Variants in PTPRO observed in about 807,000 individuals in gnomAD.
PTPRO encodes the protein protein tyrosine phosphatase receptor type O.
PTPRO carries 62 observed loss-of-function variants against 145.2 expected under a neutral mutation model. The ratio of observed to expected loss-of-function variants is 0.43; its 90% CI spans 0.35 to 0.53. PTPRO has a LOEUF of 0.53. PTPRO is among the 20% of genes least tolerant of loss of function. The probability of loss-of-function intolerance (pLI) is 0.01; values close to 1 mark genes in which losing one functional copy is unlikely to be tolerated. For synonymous variants in PTPRO, 565 were observed against 514.7 expected, an observed-to-expected ratio of 1.10 and a Z score of -1.32; for missense variants, 1,345 against 1,482.7, an observed-to-expected ratio of 0.91 and a Z score of 1.53.
intron 1 of PTPRO, among the ~76,000 whole-genome samples, chr12:15,374,954 G>A (rs1196488810): frequency 6.6e-6 from 1 of 152,108 alleles, no homozygotes; most frequent in Admixed American, 6.5e-5. Context: ...GGAAGTGAAG[G>A]CAAAGGCAGA....
At chr12:15,479,046 C>T (rs536908041) in intron 1 of PTPRO, among the ~76,000 whole-genome samples, 3 of 152,144 alleles carry the variant, frequency 2.0e-5, no homozygotes, top group Admixed American at 6.5e-5. Context: ...ACTGAATGTG[C>T]GGAAAGACTC....
At chr12:15,394,983 A>G (rs1423324932) in intron 1 of PTPRO, among the ~76,000 whole-genome samples, 1 of 152,230 alleles carries the variant, frequency 6.6e-6, no homozygotes, top group African/African-American at 2.4e-5. Flanking sequence ...GGCGGCAAAG[A>G]AAAACACTCA....
chr12:15,503,275 C>A (rs111749315), intron 5 of PTPRO, among the ~76,000 whole-genome samples: 1 of 152,124 alleles, frequency 6.6e-6, no homozygotes, highest in African/African-American at 2.4e-5. Context: ...TAGTCACCAA[C>A]TGATGATAAT....
At chr12:15,544,933 T>A (rs73313505) in intron 12 of PTPRO, among the ~76,000 whole-genome samples, 6,668 of 152,238 alleles carry the variant, frequency 0.044, 479 homozygotes, top group African/African-American at 0.15. Flanking sequence ...TAAGAAGAAC[T>A]CATCTCTTTC....
intron 13 of PTPRO, 124 bp from the exon 14 acceptor site, chr12:15,548,970 C>A: frequency 9.3e-7 from 1 of 1,080,038 alleles, no homozygotes; most frequent in Admixed American, 1.8e-5. Flanking sequence ...TTTTTCAATG[C>A]TATTCTTTGT....
At chr12:15,503,665 A>G (rs1942264258) in intron 5 of PTPRO, among the ~76,000 whole-genome samples, 3 of 152,060 alleles carry the variant, frequency 2.0e-5, no homozygotes, top group Admixed American at 2.0e-4. Context: ...CACAGTGTAG[A>G]CCCATCCCTA....
At chr12:15,413,916 A>T (rs957749417) in intron 1 of PTPRO, among the ~76,000 whole-genome samples, 7 of 152,184 alleles carry the variant, frequency 4.6e-5, no homozygotes, top group African/African-American at 1.7e-4. Flanking sequence ...TAAAAAAAAC[A>T]AGTTTTAAAA....
chr12:15,547,934 T>C (rs1350930854), intron 13 of PTPRO, among the ~76,000 whole-genome samples: 3 of 152,214 alleles, frequency 2.0e-5, no homozygotes, highest in Non-Finnish European at 4.4e-5. Context: ...GTAGTACTTG[T>C]CACTAGTCTG....
chr12:15,451,230 A>AT (rs1413325096), intron 1 of PTPRO, among the ~76,000 whole-genome samples: 7 of 152,168 alleles, frequency 4.6e-5, no homozygotes, highest in Non-Finnish European at 8.8e-5. Context: ...ATGTTAAAAA[A>AT]AATAAAGAGA....
At chr12:15,368,547 T>C (rs1938432067) in intron 1 of PTPRO, among the ~76,000 whole-genome samples, 1 of 152,162 alleles carries the variant, frequency 6.6e-6, no homozygotes, top group Non-Finnish European at 1.5e-5. Flanking sequence ...CCACAGCAGT[T>C]AGAACATTCA....
chr12:15,544,560 A>G (rs1279333787), intron 12 of PTPRO, among the ~76,000 whole-genome samples: 1 of 151,798 alleles, frequency 6.6e-6, no homozygotes, highest in African/African-American at 2.4e-5. Context: ...TTTTTAAAAG[A>G]TATGCTCTCT....
Position 15,586,884 on chromosome 12 carries a change from T to G in PTPRO, c.3256-13T>G. On this transcript the variant is annotated splice_polypyrimidine_tract_variant and intron_variant, in intron 23 of 26. Coordinates refer to ENST00000281171, the MANE Select transcript of PTPRO (RefSeq NM_030667.3). ...GAAAAATTAATGCTTGTTTTTGGCT[T>G]TTTTCTCTAAAGGCTGACGAGATGC... 1 of 1,613,978 alleles carries G rather than the reference T, an allele frequency of 6.2e-7. No individual in the cohort carries two copies.
At chr12:15,354,487 G>T (rs1288359163) in intron 1 of PTPRO, among the ~76,000 whole-genome samples, 2 of 152,098 alleles carry the variant, frequency 1.3e-5, no homozygotes, top group African/African-American at 4.8e-5. Flanking sequence ...AAAAGTTTTT[G>T]AAATCCATCT....
At chr12:15,341,224 A>G (rs1866971726) in intron 1 of PTPRO, among the ~76,000 whole-genome samples, 1 of 152,154 alleles carries the variant, frequency 6.6e-6, no homozygotes, top group South Asian at 2.1e-4. Flanking sequence ...TTGCCCAAGG[A>G]TATGTTATTT....
chr12:15,583,080 C>T (rs948498514), intron 23 of PTPRO, among the ~76,000 whole-genome samples: 1 of 152,300 alleles, frequency 6.6e-6, no homozygotes. Flanking sequence ...AGAAACAATC[C>T]TTTCTAATAG....
chr12:15,488,597 C>G (rs1186684601), intron 2 of PTPRO, among the ~76,000 whole-genome samples: 1 of 152,110 alleles, frequency 6.6e-6, no homozygotes, highest in African/African-American at 2.4e-5. Context: ...AAAAGAGTAC[C>G]TTTATAGCAG....
At position 15,567,722 on chromosome 12, in the gene PTPRO, G is replaced by A. The variant is rs548614329; in HGVS notation, c.2748-1695G>A. Among the ~76,000 whole-genome samples the A allele has an allele frequency of 2.0e-5, 3 of 152,230 alleles. No homozygotes were observed. In the South Asian group the frequency reaches 6.2e-4, roughly 32 times the overall value. Reference sequence around the variant, plus strand: ...TTCCAGGAGAGGAGTCCCAACTTTAGCCCATTCTTTTGGAAGGATAACAAG... The same window carrying A: ...TTCCAGGAGAGGAGTCCCAACTTTAACCCATTCTTTTGGAAGGATAACAAG... On this transcript the variant is annotated intron_variant, in intron 18 of 26. Transcript: ENST00000281171.
rs891212008 is a variant in PTPRO at position 15,385,398 on chromosome 12, G to A, written c.75+62597G>A. ...TGATGCCAGCACAAAGCAGGAAATC[G>A]GACTGGAGATCAAGTCATACACAGC... On this transcript the variant is annotated intron_variant, in intron 1 of 26. Coordinates refer to ENST00000281171, the MANE Select transcript of PTPRO (RefSeq NM_030667.3). Among the ~76,000 whole-genome samples the A allele has an allele frequency of 6.6e-5, 10 of 152,190 alleles. No homozygotes were observed. The East Asian group carries it at 7.7e-4, about 12-fold the overall frequency.
chr12:15,416,398 C>A lies in PTPRO; in HGVS notation c.76-67576C>A, dbSNP rs926390750. 6.0e-5 allele frequency among the ~76,000 whole-genome samples: 9 copies of A among 150,718 alleles called. No homozygotes were observed. In the South Asian group the frequency reaches 1.0e-3, roughly 17 times the overall value. On this transcript the variant is annotated intron_variant, in intron 1 of 26. Coordinates refer to ENST00000281171, the MANE Select transcript of PTPRO (RefSeq NM_030667.3). ...GCAGTGGCACAATCTCGGCTCACTG[C>A]AAGGTCTGACTCCTGGGTTCACACC...
Sources: gnomAD v4.1 joint callset for allele counts (sites outside exome capture counted in the v4.1 genomes callset) on GRCh38, gnomAD v4.1.1 for gene constraint, MANE v1.5 for transcripts, NCBI Gene and HGNC (gene_info 2026-07-23, HGNC 2026-07-21) for gene names.